Variants in SORCS2 observed in about 807,000 individuals in gnomAD.
The protein encoded by SORCS2 is VPS10 domain-containing receptor SorCS2.
A neutral mutation model predicts 141.6 loss-of-function variants in SORCS2; 100 were observed. That is an observed-to-expected ratio of 0.71 (90% confidence interval 0.60 to 0.83). SORCS2 has a LOEUF of 0.83. Among genes scored for constraint, SORCS2 ranks in the 40% least tolerant of loss-of-function variants. The pLI is 0.00. For synonymous variants in SORCS2, 789 were observed against 676.9 expected (o/e 1.17, Z -2.57); for missense variants, 1,646 against 1,560.2 (o/e 1.05, Z -0.93).
At chr4:7,550,710 C>T (rs914522827) in intron 3 of SORCS2, among the ~76,000 whole-genome samples, 1 of 152,208 alleles carries the variant, frequency 6.6e-6, no homozygotes, top group African/African-American at 2.4e-5. Context: ...TTGATGGACT[C>T]TTCCAACAGG....
intron 9 of SORCS2, among the ~76,000 whole-genome samples, chr4:7,679,145 A>G (rs56287349): frequency 0.024 from 3,643 of 152,136 alleles, 105 homozygotes; most frequent in Admixed American, 0.07. Context: ...AATGTTTGGT[A>G]CAGACGGCAG....
intron 3 of SORCS2, among the ~76,000 whole-genome samples, chr4:7,576,521 T>A (rs996050307): frequency 6.6e-6 from 1 of 152,208 alleles, no homozygotes; most frequent in Non-Finnish European, 1.5e-5. Flanking sequence ...CCTGTGTGCA[T>A]CTTACTACAA....
At chr4:7,335,710 C>T (rs1438296010) in intron 1 of SORCS2, among the ~76,000 whole-genome samples, 1 of 152,238 alleles carries the variant, frequency 6.6e-6, no homozygotes, top group Non-Finnish European at 1.5e-5. Context: ...GGCATTTGGC[C>T]CATTTTACCT....
intron 3 of SORCS2, among the ~76,000 whole-genome samples, chr4:7,585,040 C>T (rs1716444912): frequency 1.3e-5 from 2 of 152,106 alleles, no homozygotes; most frequent in African/African-American, 4.8e-5. Context: ...AAAGAGCAGC[C>T]GTTCTGTCTG....
At chr4:7,318,560 G>T (rs1359798550) in intron 1 of SORCS2, among the ~76,000 whole-genome samples, 1 of 152,132 alleles carries the variant, frequency 6.6e-6, no homozygotes, top group African/African-American at 2.4e-5. Context: ...CAGTTTTGAT[G>T]GTAAAATGTC....
intron 1 of SORCS2, among the ~76,000 whole-genome samples, chr4:7,380,821 C>T (rs1462686782): frequency 2.6e-5 from 4 of 152,222 alleles, no homozygotes; most frequent in African/African-American, 7.2e-5. Flanking sequence ...TGCGGTGGCT[C>T]ACGCCTGTAA....
chr4:7,283,463 A>C (rs1246509234), intron 1 of SORCS2, among the ~76,000 whole-genome samples: 1 of 152,116 alleles, frequency 6.6e-6, no homozygotes, highest in Non-Finnish European at 1.5e-5. Context: ...GAGTGCTTGA[A>C]ACTGCTGCAG....
At chr4:7,692,562 G>A (rs1724322873) in intron 11 of SORCS2, among the ~76,000 whole-genome samples, 1 of 152,190 alleles carries the variant, frequency 6.6e-6, no homozygotes, top group Non-Finnish European at 1.5e-5. Context: ...CTGCCCCCAT[G>A]CCAGGCACTG....
In SORCS2 at chr4:7,724,561, ATGGTGGTGG is replaced by A. The variant is rs1402223607; in HGVS notation, c.2612-590_2612-582del. ...ATGGTGATAGTAGTGGTGGGAATGGATGGTGGTGGTGATGGTGATGGTGGTGGTGTTGGT... is the reference window on the plus strand; with the variant it reads ...ATGGTGATAGTAGTGGTGGGAATGGATGATGGTGATGGTGGTGGTGTTGGT... On this transcript the variant is annotated intron_variant, in intron 19 of 26. Coordinates refer to ENST00000507866, the MANE Select transcript of SORCS2 (RefSeq NM_020777.3). Among the ~76,000 whole-genome samples the A allele has an allele frequency of 1.0e-4, 11 of 106,358 alleles. No individual in the cohort carries two copies. The East Asian group carries it at 4.4e-3, about 43-fold the overall frequency. The allele number at this position is 106,358 out of a possible 152,430, so 69.8% of individuals were successfully genotyped here. A position where few individuals can be genotyped will look rare whatever the true frequency, so the allele number is the denominator to read the frequency against.
At chr4:7,370,882 C>T (rs533290480) in intron 1 of SORCS2, among the ~76,000 whole-genome samples, 34 of 152,284 alleles carry the variant, frequency 2.2e-4, no homozygotes, top group East Asian at 7.7e-4. Flanking sequence ...CTGCCTAGCA[C>T]GTCCCCTCAA....
intron 3 of SORCS2, among the ~76,000 whole-genome samples, chr4:7,568,160 A>G (rs905049914): frequency 4.6e-5 from 7 of 152,124 alleles, no homozygotes; most frequent in African/African-American, 1.4e-4. Flanking sequence ...AATTATCCCC[A>G]CTACACCAGA....
chr4:7,550,469 T>C (rs1473985850), intron 3 of SORCS2, among the ~76,000 whole-genome samples: 2 of 152,172 alleles, frequency 1.3e-5, no homozygotes, highest in South Asian at 2.1e-4. Context: ...GCTTTGGTGG[T>C]GATCGGCAGA....
At chr4:7,433,569 C>G in intron 2 of SORCS2, 1 of 1,611,844 alleles carries the variant, frequency 6.2e-7, no homozygotes, top group Admixed American at 1.7e-5. Context: ...AGTGCTTGCA[C>G]TGGATCATAT....
intron 1 of SORCS2, among the ~76,000 whole-genome samples, chr4:7,305,014 G>A (rs1717688734): frequency 6.6e-6 from 1 of 150,452 alleles, no homozygotes; most frequent in African/African-American, 2.4e-5. Context: ...TCCTTACTCA[G>A]GCCGACATTC....
Position 7,246,804 on chromosome 4 carries a change from C to T in SORCS2, c.480+53678C>T, listed in dbSNP as rs1713128704. ...GCGCTTTGGATGTGGAGTGTGCACA[C>T]GATGGCCATGATGAGGGCCTGGAAC... On this transcript the variant is annotated intron_variant, in intron 1 of 26. Transcript: ENST00000507866. Among the ~76,000 whole-genome samples, 4 of 152,346 alleles carry T rather than the reference C, an allele frequency of 2.6e-5. No homozygotes were observed. The South Asian group carries it at 6.2e-4, about 24-fold the overall frequency.
At chr4:7,216,082 C>T (rs543450514) in intron 1 of SORCS2, among the ~76,000 whole-genome samples, 1 of 152,300 alleles carries the variant, frequency 6.6e-6, no homozygotes, top group Non-Finnish European at 1.5e-5. Flanking sequence ...ACACTCACCA[C>T]GAAGGTCTGC....
At chr4:7,599,009 TGAG>T (rs922415590) in intron 3 of SORCS2, among the ~76,000 whole-genome samples, 4 of 152,188 alleles carry the variant, frequency 2.6e-5, no homozygotes, top group Non-Finnish European at 2.9e-5. Flanking sequence ...CAAGGGCTCT[TGAG>T]GAGGCAGCCG....
intron 2 of SORCS2, among the ~76,000 whole-genome samples, chr4:7,512,360 GGGAT>G (rs146338273): frequency 0.29 from 41,300 of 143,612 alleles, 7,257 homozygotes; most frequent in East Asian, 0.75. Context: ...GAGGGAGGGA[GGGAT>G]GGAGGGAGGG....
At chr4:7,433,907 A>G (rs1024090963) in intron 2 of SORCS2, 4 of 1,613,870 alleles carry the variant, frequency 2.5e-6, no homozygotes, top group African/African-American at 2.7e-5. Flanking sequence ...ATTACCGAGC[A>G]CACGCGCTCC....
Sources: gnomAD v4.1 joint callset for allele counts (sites outside exome capture counted in the v4.1 genomes callset) on GRCh38, gnomAD v4.1.1 for gene constraint, MANE v1.5 for transcripts, NCBI Gene and HGNC (gene_info 2026-07-23, HGNC 2026-07-21) for gene names.